The following TFDP1 variants were observed in gnomAD, a reference collection of about 807,000 sequenced individuals.
TFDP1 encodes transcription factor Dp-1, also known as DRTF1-polypeptide 1.
A neutral mutation model predicts 48.0 loss-of-function variants in TFDP1; 6 were observed. The observed-to-expected ratio is 0.13, with a 90% confidence interval of 0.07 to 0.25. The LOEUF (loss-of-function observed/expected upper bound fraction) is 0.25, where lower values mean the gene tolerates loss of function less well. Ranked by LOEUF, TFDP1 falls within the 10% of genes least tolerant of loss-of-function variation. The pLI, the probability that TFDP1 is intolerant of heterozygous loss-of-function variation, is 1.00. For synonymous variants in TFDP1, 201 were observed against 211.6 expected (o/e 0.95, Z 0.44); for missense variants, 335 against 543.0 (o/e 0.62, Z 3.81).
chr13:113,592,853 G>A (rs1320353330), intron 2 of TFDP1, among the ~76,000 whole-genome samples: 1 of 135,252 alleles, frequency 7.4e-6, no homozygotes, highest in East Asian at 2.3e-4. Flanking sequence ...GTCTTCAGCT[G>A]TGCCCAAGAG....
chr13:113,584,701 C>T (rs1316450050), upstream of TFDP1: 1 of 147,972 alleles, frequency 6.8e-6, no homozygotes, highest in African/African-American at 2.4e-5. Context: ...GCGCCGCGCG[C>T]ACGTCACGCC....
Position 113,623,803 on chromosome 13 carries a change from G to A in TFDP1, c.186+517G>A, listed in dbSNP as rs2049053295. On this transcript the variant is annotated intron_variant, in intron 4 of 11. Coordinates refer to ENST00000375370, the MANE Select transcript of TFDP1 (RefSeq NM_007111.5). This position sits in a 1 kb window ranked among gnomAD's most constrained non-coding sequence, Gnocchi z 5.2. ...GAGGGGAAGGTGGGCATTGGGAAGT[G>A]GCGCATCCCCCCTCCCCAGGCTGAT... Among the ~76,000 whole-genome samples the A allele has an allele frequency of 6.6e-6, 1 of 152,150 alleles. No individual in the cohort carries two copies. Among genetic ancestry groups the A allele is most frequent in the Non-Finnish European group, 1.5e-5 (1 of 68,016 alleles).
Position 113,640,418 on chromosome 13 carries a change from T to C in TFDP1, c.*151T>C. ...GATATGCACCTCTGATAAGCAAGGATTGTTTCCCGTAGGATTAGGACGTGC... is the reference window on the plus strand; with the variant it reads ...GATATGCACCTCTGATAAGCAAGGACTGTTTCCCGTAGGATTAGGACGTGC... On this transcript the variant is annotated 3_prime_UTR_variant, in exon 12 of 12. Transcript: ENST00000375370. 3.8e-6 allele frequency: 5 copies of C among 1,321,096 alleles called. No homozygotes were observed. Among genetic ancestry groups the C allele is most frequent in the African/African-American group, 1.5e-5 (1 of 66,566 alleles). 81.8% of individuals were successfully genotyped at this position (1,321,096 alleles called of 1,614,324 possible).
chr13:113,594,000 C>T (rs1246596760), intron 2 of TFDP1, among the ~76,000 whole-genome samples: 4 of 138,030 alleles, frequency 2.9e-5, no homozygotes, highest in South Asian at 2.3e-4. Flanking sequence ...TGGGTCCTCA[C>T]CCTGCCCAGG....
chr13:113,614,513 G>A (rs2048808766), intron 3 of TFDP1, among the ~76,000 whole-genome samples: 1 of 152,198 alleles, frequency 6.6e-6, no homozygotes, highest in East Asian at 1.9e-4. Context: ...GGCTGTAGAG[G>A]CCTCCCTTGA....
chr13:113,631,114 C>G (rs1269940833), intron 4 of TFDP1, among the ~76,000 whole-genome samples: 5 of 152,248 alleles, frequency 3.3e-5, no homozygotes, highest in Non-Finnish European at 5.9e-5. Context: ...CCTGCCTGTG[C>G]TTTTGTCTTT....
At chr13:113,596,900 A>G (rs12429354) in intron 2 of TFDP1, among the ~76,000 whole-genome samples, 66,579 of 152,036 alleles carry the variant, frequency 0.44, 15,724 homozygotes, top group African/African-American at 0.61. Context: ...GTTTTTGCTC[A>G]CTGTTGAGAC....
chr13:113,634,481 C>A, intron 7 of TFDP1, 53 bp from the exon 8 acceptor site: 1 of 1,514,824 alleles, frequency 6.6e-7, no homozygotes, highest in Non-Finnish European at 9.1e-7. Context: ...TTTTAAAAAA[C>A]GCTCTGTGGA....
At chr13:113,639,544 G>A (rs931963825) in intron 11 of TFDP1, among the ~76,000 whole-genome samples, 3 of 152,226 alleles carry the variant, frequency 2.0e-5, no homozygotes, top group Non-Finnish European at 4.4e-5. Flanking sequence ...TTTTATTGTA[G>A]TGTTAATAAA....
intron 2 of TFDP1, among the ~76,000 whole-genome samples, chr13:113,594,378 T>C (rs1422939151): frequency 6.7e-6 from 1 of 149,284 alleles, no homozygotes; most frequent in East Asian, 2.0e-4. Flanking sequence ...TCAGGCGTGA[T>C]GCGTGTGGGT....
chr13:113,639,516 A>G (rs973832028), intron 11 of TFDP1, among the ~76,000 whole-genome samples: 2 of 152,274 alleles, frequency 1.3e-5, no homozygotes, highest in Admixed American at 6.5e-5. Flanking sequence ...TACTTCATCA[A>G]AAGGCACATT....
rs528917601 is a variant in TFDP1 at position 113,634,065 on chromosome 13, T to G, written c.618+32T>G. ...CTTCAGCCTTCCTTCAACCTTGATT[T>G]CCCTTCAAGTCCGTGTAGATGTTTT... On this transcript the variant is annotated intron_variant, in intron 7 of 11. Transcript: ENST00000375370. The G allele has an allele frequency of 5.5e-5, 89 of 1,613,962 alleles. No homozygotes were observed. The East Asian group carries it at 9.8e-4, about 18-fold the overall frequency.
At chr13:113,611,171 C>A in intron 3 of TFDP1, 109 bp downstream of exon 3, 2 of 1,111,078 alleles carry the variant, frequency 1.8e-6, no homozygotes, top group South Asian at 1.3e-5. Context: ...GCATCTCCTG[C>A]ATGGGCACCT....
chr13:113,610,477 CGCT>C (rs1403196787), intron 2 of TFDP1, among the ~76,000 whole-genome samples: 1 of 149,720 alleles, frequency 6.7e-6, no homozygotes, highest in Non-Finnish European at 1.5e-5. Context: ...CGTGTGCCCC[CGCT>C]GTGTGGTTGT....
intron 3 of TFDP1, among the ~76,000 whole-genome samples, chr13:113,615,921 A>G (rs1393017691): frequency 1.3e-5 from 2 of 151,992 alleles, no homozygotes; most frequent in African/African-American, 2.4e-5. Flanking sequence ...CAAAATGAGT[A>G]GGCTGGGCAT....
Position 113,616,353 on chromosome 13 carries a change from C to T in TFDP1, c.79+5291C>T, listed in dbSNP as rs561235800. Among the ~76,000 whole-genome samples the T allele has an allele frequency of 2.0e-5, 3 of 152,216 alleles. No individual in the cohort carries two copies. In the South Asian group the frequency reaches 6.2e-4, roughly 32 times the overall value. ...CTTCCAGTCACGGTTTCGGTGGCTG[C>T]GTTTTGCTACCTTTTGTTATTTGCT... On this transcript the variant is annotated intron_variant, in intron 3 of 11. Coordinates refer to ENST00000375370, the MANE Select transcript of TFDP1 (RefSeq NM_007111.5).
intron 2 of TFDP1, among the ~76,000 whole-genome samples, chr13:113,600,912 C>A (rs1376680208): frequency 1.3e-5 from 2 of 151,166 alleles, no homozygotes; most frequent in African/African-American, 4.9e-5. Context: ...GAGAGAGAAT[C>A]CTCGCACGTG....
intron 4 of TFDP1, among the ~76,000 whole-genome samples, chr13:113,626,219 C>G (rs1312744051): frequency 6.6e-6 from 1 of 152,148 alleles, no homozygotes; most frequent in Non-Finnish European, 1.5e-5. Flanking sequence ...GTGGAGAGCT[C>G]TCTGTACTGA....
chr13:113,619,834 G>A (rs2048955109), intron 3 of TFDP1, among the ~76,000 whole-genome samples: 1 of 152,156 alleles, frequency 6.6e-6, no homozygotes, highest in African/African-American at 2.4e-5. Context: ...CTGTTGGTTT[G>A]TGTCTAGGCT....
Sources: allele counts gnomAD v4.1 joint callset (sites outside exome capture counted in the v4.1 genomes callset), GRCh38; gene constraint gnomAD v4.1.1; non-coding constraint Gnocchi (gnomAD v3.1); transcripts MANE v1.5; gene names NCBI Gene and HGNC (gene_info 2026-07-23, HGNC 2026-07-21).